The following EPHB1 variants were observed in gnomAD, a reference collection of about 807,000 sequenced individuals.
EPHB1 encodes EPH receptor B1, also known as ephrin type-B receptor 1.
EPHB1 carries 30 observed loss-of-function variants against 94.4 expected under a neutral mutation model. That is an observed-to-expected ratio of 0.32 (90% CI 0.24 to 0.43). The LOEUF (loss-of-function observed/expected upper bound fraction) is 0.43, where lower values mean the gene tolerates loss of function less well. Among genes scored for constraint, EPHB1 ranks in the 20% least tolerant of loss-of-function variants. EPHB1 has a pLI of 1.00. For synonymous variants in EPHB1, 522 were observed against 489.1 expected (o/e 1.07, Z -0.89); for missense variants, 1,055 against 1,308.3 (o/e 0.81, Z 2.99).
At chr3:134,825,968 G>T (rs2036469500) in intron 1 of EPHB1, among the ~76,000 whole-genome samples, 2 of 151,882 alleles carry the variant, frequency 1.3e-5, no homozygotes, top group African/African-American at 4.8e-5. Context: ...GAGACTGGGT[G>T]CGGTGGCTCA....
intron 2 of EPHB1, among the ~76,000 whole-genome samples, chr3:134,926,593 T>C (rs2038796336): frequency 6.6e-6 from 1 of 152,074 alleles, no homozygotes; most frequent in South Asian, 2.1e-4. Context: ...TGAAAACACA[T>C]AAGAGGGAAG....
intron 1 of EPHB1, chr3:134,852,561 A>G (rs997298793): frequency 4.6e-5 from 7 of 152,078 alleles, no homozygotes; most frequent in Non-Finnish European, 8.8e-5. Flanking sequence ...TCGGAAGGAG[A>G]ATGGAAGGCC....
intron 1 of EPHB1, among the ~76,000 whole-genome samples, chr3:134,900,575 C>T (rs1189157459): frequency 6.6e-6 from 1 of 152,140 alleles, no homozygotes; most frequent in Non-Finnish European, 1.5e-5. Context: ...TCCTCCTGCC[C>T]TCCTGCCTGG....
chr3:135,199,449 G>A (rs983389358), intron 11 of EPHB1, among the ~76,000 whole-genome samples: 1 of 152,232 alleles, frequency 6.6e-6, no homozygotes, highest in African/African-American at 2.4e-5. Context: ...GATGGGCAAC[G>A]TGCTGAAAAC....
At chr3:134,885,375 C>T (rs2037841883) in intron 1 of EPHB1, among the ~76,000 whole-genome samples, 1 of 152,210 alleles carries the variant, frequency 6.6e-6, no homozygotes, top group African/African-American at 2.4e-5. Context: ...AAACAGTAGA[C>T]ACCACTGCAG....
chr3:134,915,467 C>T (rs191007708), intron 1 of EPHB1, among the ~76,000 whole-genome samples: 2 of 152,138 alleles, frequency 1.3e-5, no homozygotes, highest in Non-Finnish European at 2.9e-5. Context: ...CAGGAAAGAT[C>T]CTCCCCGATA....
intron 3 of EPHB1, among the ~76,000 whole-genome samples, chr3:134,986,467 C>T (rs566798918): frequency 2.6e-5 from 4 of 152,258 alleles, no homozygotes; most frequent in Admixed American, 6.5e-5. Flanking sequence ...AGCCAACATG[C>T]GGCTGATTCC....
At chr3:134,868,539 T>A (rs2037428873) in intron 1 of EPHB1, among the ~76,000 whole-genome samples, 1 of 152,032 alleles carries the variant, frequency 6.6e-6, no homozygotes, top group Admixed American at 6.6e-5. Context: ...GTGATCTTAA[T>A]CTCCAGGCAC....
intron 3 of EPHB1, among the ~76,000 whole-genome samples, chr3:135,020,907 AT>A (rs920286563): frequency 4.6e-5 from 7 of 151,690 alleles, no homozygotes; most frequent in Admixed American, 2.0e-4. Context: ...GTCTAATTTA[AT>A]TTTTTTTTCC....
At chr3:135,257,835 T>G (rs1263107216) in intron 15 of EPHB1, among the ~76,000 whole-genome samples, 1 of 152,084 alleles carries the variant, frequency 6.6e-6, no homozygotes, top group Non-Finnish European at 1.5e-5. Context: ...TGCAGTTTGA[T>G]CTCAGACTGC....
At chr3:135,239,912 G>A (rs1278716304) in intron 12 of EPHB1, among the ~76,000 whole-genome samples, 2 of 152,158 alleles carry the variant, frequency 1.3e-5, no homozygotes, top group Non-Finnish European at 2.9e-5. Flanking sequence ...AGTTAACACT[G>A]GGCTGTGTAG....
intron 15 of EPHB1, among the ~76,000 whole-genome samples, chr3:135,256,694 C>T (rs2107735239): frequency 6.6e-6 from 1 of 152,074 alleles, no homozygotes; most frequent in East Asian, 1.9e-4. Flanking sequence ...ACAATTATGT[C>T]TTGGAGTTGC....
intron 7 of EPHB1, among the ~76,000 whole-genome samples, chr3:135,163,830 TGAG>T (rs1941578049): frequency 6.6e-6 from 1 of 152,208 alleles, no homozygotes; most frequent in African/African-American, 2.4e-5. Flanking sequence ...GTCTTACGAC[TGAG>T]GTTCACACAT....
At chr3:134,796,003 C>T (rs2035818798) in intron 1 of EPHB1, 2 of 462,444 alleles carry the variant, frequency 4.3e-6, no homozygotes, top group South Asian at 5.0e-5. Flanking sequence ...CATTGCGGTG[C>T]ATGCTCCTTA....
chr3:135,153,362 CTG>C (rs943463576), intron 5 of EPHB1, among the ~76,000 whole-genome samples: 4 of 152,192 alleles, frequency 2.6e-5, no homozygotes, highest in African/African-American at 9.7e-5. Context: ...TATTTCCAGA[CTG>C]TTTTCATTTT....
chr3:135,095,675 C>T (rs373138631), intron 3 of EPHB1, among the ~76,000 whole-genome samples: 1 of 152,254 alleles, frequency 6.6e-6, no homozygotes, highest in African/African-American at 2.4e-5. Context: ...ATGGATCCCA[C>T]CCACCCCACA....
At chr3:135,094,138 T>G (rs1394074079) in intron 3 of EPHB1, among the ~76,000 whole-genome samples, 1 of 152,266 alleles carries the variant, frequency 6.6e-6, no homozygotes, top group East Asian at 1.9e-4. Context: ...TTTGCCTCTC[T>G]GGGTCCTACT....
chr3:134,925,729 A>G, intron 1 of EPHB1, 87 bp from the exon 2 acceptor site: 1 of 1,155,192 alleles, frequency 8.7e-7, no homozygotes, highest in African/African-American at 1.6e-5. Context: ...TACTATCACA[A>G]ACAACTTCGT....
intron 3 of EPHB1, among the ~76,000 whole-genome samples, chr3:135,005,036 T>G (rs961583121): frequency 2.0e-5 from 3 of 152,262 alleles, no homozygotes; most frequent in Non-Finnish European, 4.4e-5. Context: ...AGAGGCGCTC[T>G]GCTTTTTAGA....
Sources: gnomAD v4.1 joint callset for allele counts (sites outside exome capture counted in the v4.1 genomes callset) on GRCh38, gnomAD v4.1.1 for gene constraint, MANE v1.5 for transcripts, NCBI Gene and HGNC (gene_info 2026-07-23, HGNC 2026-07-21) for gene names.